Variants in ACP1 observed in about 807,000 individuals in gnomAD.
ACP1 encodes acid phosphatase 1, also known as low molecular weight phosphotyrosine protein phosphatase.
A neutral mutation model predicts 23.4 loss-of-function variants in ACP1; 23 were observed. That is an observed-to-expected ratio of 0.98 (90% confidence interval 0.71 to 1.39). The LOEUF is 1.39. ACP1 is among the 40% of genes most tolerant of loss of function. ACP1 has a pLI of 0.00. For synonymous variants in ACP1, 72 were observed against 67.2 expected (o/e 1.07, Z -0.35); for missense variants, 180 against 197.7 (o/e 0.91, Z 0.54).
At chr2:269,990 C>T (rs1244244753) in intron 1 of ACP1, among the ~76,000 whole-genome samples, 2 of 152,166 alleles carry the variant, frequency 1.3e-5, no homozygotes, top group Non-Finnish European at 2.9e-5. Context: ...GAGTATCTTC[C>T]ATGACCTTTA....
At chr2:272,306 G>A in intron 3 of ACP1, 156 bp downstream of exon 3, 1 of 1,612,288 alleles carries the variant, frequency 6.2e-7, no homozygotes, top group South Asian at 1.1e-5. Flanking sequence ...AGCAAGACAG[G>A]TAGACAAGCT....
chr2:276,658 T>A (rs1670181518), intron 4 of ACP1, among the ~76,000 whole-genome samples: 1 of 152,162 alleles, frequency 6.6e-6, no homozygotes, highest in South Asian at 2.1e-4. Context: ...CAGATGGTGT[T>A]TTGGGTTCCT....
chr2:265,070 G>T (rs979777928), intron 1 of ACP1, 63 bp downstream of exon 1: 25 of 1,594,746 alleles, frequency 1.6e-5, no homozygotes, highest in South Asian at 2.2e-5. Flanking sequence ...GGGCTTGTGC[G>T]CTGTAGGTTG....
chr2:271,228 A>G (rs932191534), intron 1 of ACP1, among the ~76,000 whole-genome samples: 3 of 152,222 alleles, frequency 2.0e-5, no homozygotes, highest in African/African-American at 7.2e-5. Context: ...GAAAATACAT[A>G]CAGTTGACCC....
rs1670226563 is a variant in ACP1, at chr2:278,093, A to T, written c.*789A>T. The T allele has an allele frequency of 1.3e-5, 2 of 152,332 alleles. No individual in the cohort carries two copies. The highest frequency in any genetic ancestry group is 4.1e-4 in the South Asian group (2 of 4,824). The allele number at this position is 152,332 out of a possible 1,614,324, so 9.4% of individuals were successfully genotyped here. On this transcript the variant is annotated 3_prime_UTR_variant, in exon 6 of 6. Coordinates refer to ENST00000272065, the MANE Select transcript of ACP1 (RefSeq NM_004300.4). ...TCCAATATAAATTGGCTTATTTTTT[A>T]AAATAATTTTAAAAGTTGGGAAAAG...
rs1452836830 is a variant in ACP1, at chr2:277,915, G to A, written c.*611G>A. 1.3e-5 allele frequency: 2 copies of A among 152,656 alleles called. No homozygotes were observed. Among genetic ancestry groups the A allele is most frequent in the Non-Finnish European group, 1.5e-5 (1 of 68,390 alleles). The allele number at this position is 152,656 out of a possible 1,614,324, so 9.5% of individuals were successfully genotyped here. A position where few individuals can be genotyped will look rare whatever the true frequency, so the allele number is the denominator to read the frequency against. On this transcript the variant is annotated 3_prime_UTR_variant, in exon 6 of 6. Coordinates refer to ENST00000272065, the MANE Select transcript of ACP1 (RefSeq NM_004300.4). ...CCTTCAATACTTCATGATTTTTGTC[G>A]AGTTTACTTCATGAGGAGGTCAGCC...
intron 2 of ACP1, 22 bp from the exon 3 acceptor site, chr2:272,014 AT>A (rs1334868106): frequency 9.5e-6 from 15 of 1,583,900 alleles, no homozygotes; most frequent in Non-Finnish European, 1.3e-5. Flanking sequence ...AAAAAAAAAA[AT>A]TCCATGTTTC....
chr2:277,385 G>T lies in ACP1; in HGVS notation c.*81G>T. The T allele has an allele frequency of 8.0e-7, 1 of 1,251,356 alleles. No individual in the cohort carries two copies. Among genetic ancestry groups the T allele is most frequent in the Non-Finnish European group, 1.2e-6 (1 of 850,980 alleles). 77.5% of individuals were successfully genotyped at this position (1,251,356 alleles called of 1,614,324 possible). On this transcript the variant is annotated 3_prime_UTR_variant, in exon 6 of 6. Transcript: ENST00000272065. The stretch of plus-strand genomic sequence containing the variant: ...CATTTCTCAGTCGGTGTGTAATCAC[G>T]TTCCAGGGCCCAAAGCCCAGCTCTT...
chr2:273,800 A>G (rs527342472), intron 3 of ACP1, among the ~76,000 whole-genome samples: 1 of 152,332 alleles, frequency 6.6e-6, no homozygotes, highest in African/African-American at 2.4e-5. Flanking sequence ...AAAATTTACA[A>G]TTAGTCCAGA....
rs367811735 is a variant in ACP1, at chr2:271,870, C to G, written c.48C>G (p.Asn16Lys). ...TKSVLFVCLG[N>K]ICRSPIAEAV... ...CACCCCTCCCTTTTTTTAAAGGTAACATTTGTCGATCACCCATTGCAGAAG... is the reference window on the plus strand; with the variant it reads ...CACCCCTCCCTTTTTTTAAAGGTAAGATTTGTCGATCACCCATTGCAGAAG... Residue 16 changes from asparagine to lysine, a missense_variant, in exon 2 of 6, where the codon AAC becomes AAG. By Grantham distance (94) the Asn-to-Lys change is moderately conservative (BLOSUM62 0). This residue lies in a region of ACP1 where 132 missense variants were observed against 124.1 expected (regional missense o/e 1.06). Transcript: ENST00000272065. 24 of 1,605,678 alleles carry G rather than the reference C, an allele frequency of 1.5e-5. No individual in the cohort carries two copies. The highest frequency in any genetic ancestry group is 1.9e-5 in the Non-Finnish European group (22 of 1,173,016).
chr2:265,195 C>A, intron 1 of ACP1, 188 bp downstream of exon 1: 1 of 584,368 alleles, frequency 1.7e-6, no homozygotes, highest in Non-Finnish European at 2.8e-6. Flanking sequence ...ACCCGCCCAG[C>A]CTGCCCGCTA....
chr2:272,121 G>A lies in ACP1; in HGVS notation c.202G>A (p.Gly68Ser), dbSNP rs780463480. The A allele has an allele frequency of 1.1e-5, 17 of 1,614,076 alleles. No homozygotes were observed. The East Asian group carries it at 1.1e-4, about 11-fold the overall frequency. The change falls in exon 3 of 6, where the codon GGC becomes AGC. Residue 68 changes from glycine (G) to serine (S), a missense_variant. Physicochemically the swap from Gly to Ser is moderately conservative, Grantham distance 56. Around this residue, in one of 3 missense-constraint regions of ACP1, gnomAD observed 132 missense variants for 124.1 expected, o/e 1.06. Transcript: ENST00000272065. ...AGGGCAGAGCTGCATGAAGAGGCAC[G>A]GCATTCCCATGAGCCACGTTGCCCG... ...YRGQSCMKRH[G>S]IPMSHVARQI...
rs556412204 is a variant in ACP1, at chr2:276,728, A to G, written c.294-252A>G. Among the ~76,000 whole-genome samples the G allele has an allele frequency of 1.1e-3, 164 of 152,326 alleles. 1 individual carries two copies. The highest frequency in any genetic ancestry group is 1.8e-3 in the Non-Finnish European group (121 of 68,026). On this transcript the variant is annotated intron_variant, in intron 4 of 5. Coordinates refer to ENST00000272065, the MANE Select transcript of ACP1 (RefSeq NM_004300.4). ...TAAAATGTATTTTGTGGGAGAAAAT[A>G]TAATTATTGTATATTTTGTGTAACA...
Position 277,683 on chromosome 2 carries a change from T to G in ACP1, c.*379T>G. ...ATCGAGTCTACCTCTTCAGTAGGTT[T>G]GTGTGGATGGCCTGGAGGGCAGGTG... On this transcript the variant is annotated 3_prime_UTR_variant, in exon 6 of 6. Coordinates refer to ENST00000272065, the MANE Select transcript of ACP1 (RefSeq NM_004300.4). 4.0e-6 allele frequency: 1 copy of G among 248,220 alleles called. No homozygotes were observed. Among genetic ancestry groups the G allele is most frequent in the Non-Finnish European group, 8.0e-6 (1 of 125,234 alleles). The allele number at this position is 248,220 out of a possible 1,614,324, so 15.4% of individuals were successfully genotyped here. A position where few individuals can be genotyped will look rare whatever the true frequency, so the allele number is the denominator to read the frequency against.
At chr2:271,411 C>T (rs1018211969) in intron 1 of ACP1, among the ~76,000 whole-genome samples, 30 of 152,048 alleles carry the variant, frequency 2.0e-4, no homozygotes, top group African/African-American at 7.2e-4. Flanking sequence ...TGAGTATGCA[C>T]GTTTTGGTAT....
rs1437268231 is a variant in ACP1 at position 277,419 on chromosome 2, T to G, written c.*115T>G. ...CCCAAAGCCCAGCTCTTTGTTCAGT[T>G]GACTTACTGTTTCTTACCTTAAAAA... is the stretch of plus-strand genomic sequence containing the variant. On this transcript the variant is annotated 3_prime_UTR_variant, in exon 6 of 6. Coordinates refer to ENST00000272065, the MANE Select transcript of ACP1 (RefSeq NM_004300.4). 3.4e-6 allele frequency: 3 copies of G among 872,996 alleles called. No homozygotes were observed. Among genetic ancestry groups the G allele is most frequent in the African/African-American group, 1.7e-5 (1 of 60,180 alleles). 54.1% of individuals were successfully genotyped at this position (872,996 alleles called of 1,614,324 possible).
At chr2:268,443 G>A (rs964060029) in intron 1 of ACP1, among the ~76,000 whole-genome samples, 1 of 152,186 alleles carries the variant, frequency 6.6e-6, no homozygotes, top group Non-Finnish European at 1.5e-5. Flanking sequence ...ATTATGAAGG[G>A]TGCTTTATGT....
At position 275,205 on chromosome 2, in the gene ACP1, A is replaced by G; in HGVS notation, c.293+4A>G. 1 of 1,506,780 alleles carries G rather than the reference A, an allele frequency of 6.6e-7. No individual in the cohort carries two copies. The highest frequency in any genetic ancestry group is 9.1e-7 in the Non-Finnish European group (1 of 1,098,000). 93.3% of individuals were successfully genotyped at this position (1,506,780 alleles called of 1,614,324 possible). ...GTATGGATGAAAGCAATCTGAGGTA[A>G]TCCTGTTTTTGAAGAATATTTCTGT... On this transcript the variant is annotated splice_donor_region_variant and intron_variant, in intron 4 of 5. Transcript: ENST00000272065.
chr2:273,174 G>C (rs1483994282), intron 3 of ACP1: 2 of 152,378 alleles, frequency 1.3e-5, no homozygotes, highest in African/African-American at 2.4e-5. Flanking sequence ...GGGAAACAGA[G>C]GAGAGAGAGA....
Sources: allele counts gnomAD v4.1 joint callset (sites outside exome capture counted in the v4.1 genomes callset), GRCh38; gene constraint gnomAD v4.1.1; regional missense constraint gnomAD v4.1.1; transcripts MANE v1.5; gene names NCBI Gene and HGNC (gene_info 2026-07-23, HGNC 2026-07-21).